The following KCNS3 variants were observed in gnomAD, a reference collection of about 807,000 sequenced individuals.
KCNS3 encodes delayed-rectifier potassium channel regulatory subunit KCNS3.
A neutral mutation model predicts 31.0 loss-of-function variants in KCNS3; 13 were observed. The ratio of observed to expected loss-of-function variants is 0.42; its 90% confidence interval spans 0.27 to 0.67. The LOEUF is 0.67. Among genes scored for constraint, KCNS3 ranks in the 30% least tolerant of loss-of-function variants. The pLI, the probability that KCNS3 is intolerant of heterozygous loss-of-function variation, is 0.25. For synonymous variants in KCNS3, 238 were observed against 241.5 expected, an observed-to-expected ratio of 0.99 and a Z score of 0.13; for missense variants, 545 against 622.4, an observed-to-expected ratio of 0.88 and a Z score of 1.32.
At chr2:17,921,666 A>C (rs1400266849) in intron 2 of KCNS3, among the ~76,000 whole-genome samples, 1 of 151,962 alleles carries the variant, frequency 6.6e-6, no homozygotes, top group Non-Finnish European at 1.5e-5. Context: ...ACCATAGTGA[A>C]GCAGGAGAGC....
At chr2:17,882,881 G>C (rs1304456491) in intron 1 of KCNS3, among the ~76,000 whole-genome samples, 1 of 151,168 alleles carries the variant, frequency 6.6e-6, no homozygotes, top group East Asian at 1.9e-4. Context: ...TTTCACAGTT[G>C]TTAAGAGGAT....
chr2:17,921,913 G>GTATATATATATATA (rs1373281256), intron 2 of KCNS3, among the ~76,000 whole-genome samples: 3 of 34,116 alleles, frequency 8.8e-5, no homozygotes, highest in African/African-American at 2.2e-4. Context: ...GTGTGTGTGT[G>GTATATATATATATA]TGTATATATA....
rs766793920 is a variant in KCNS3, at chr2:17,932,359, T to G, written c.1351T>G (p.Phe451Val). Residue 451 changes from phenylalanine to valine, a missense_variant, in exon 3 of 3, where the codon TTC becomes GTC. Phe to Val is a conservative substitution (Grantham distance 50). Coordinates refer to ENST00000304101, the MANE Select transcript of KCNS3 (RefSeq NM_002252.5). ...RDIYAQRMHT[F>V]ITSLSSVGIV... ...TATATATGCACAGCGGATGCACACC[T>G]TCATTACCAGTCTCTCTTCTGTAGG... The G allele has an allele frequency of 2.5e-6, 4 of 1,613,994 alleles. No homozygotes were observed. Among genetic ancestry groups the G allele is most frequent in the Admixed American group, 1.7e-5 (1 of 59,994 alleles).
At chr2:17,902,242 A>G (rs1342539557) in intron 1 of KCNS3, among the ~76,000 whole-genome samples, 1 of 152,080 alleles carries the variant, frequency 6.6e-6, no homozygotes, top group African/African-American at 2.4e-5. Context: ...AAAATGGGGT[A>G]TTAGGTCAAG....
rs5829612 is a variant in KCNS3 at position 17,893,940 on chromosome 2, GTTTTTTTT to G, written c.-252+15153_-252+15160del. 3.4e-3 allele frequency among the ~76,000 whole-genome samples: 332 copies of G among 98,894 alleles called. 3 individuals are homozygous for G. Among genetic ancestry groups the G allele is most frequent in the African/African-American group, 0.013 (288 of 22,414 alleles). The allele number at this position is 98,894 out of a possible 152,430, so 64.9% of individuals were successfully genotyped here. A position where few individuals can be genotyped will look rare whatever the true frequency, so the allele number is the denominator to read the frequency against. On this transcript the variant is annotated intron_variant, in intron 1 of 2. Coordinates refer to ENST00000304101, the MANE Select transcript of KCNS3 (RefSeq NM_002252.5). ...CCCTCTGCCATGATCCCAGGAGCCA[GTTTTTTTT>G]TTTTTTTTTTTTTTTTTTAATATAT...
intron 2 of KCNS3, among the ~76,000 whole-genome samples, chr2:17,926,881 G>C (rs775369228): frequency 6.6e-6 from 1 of 152,238 alleles, no homozygotes; most frequent in Non-Finnish European, 1.5e-5. Flanking sequence ...TCTGCAGCCA[G>C]CTTGAATTTC....
intron 2 of KCNS3, among the ~76,000 whole-genome samples, chr2:17,927,827 T>C (rs985647492): frequency 6.7e-6 from 1 of 150,322 alleles, no homozygotes; most frequent in Non-Finnish European, 1.5e-5. Flanking sequence ...TTTCAACCAA[T>C]TGCCAATCAG....
chr2:17,932,819 C>T lies in KCNS3; in HGVS notation c.*335C>T, dbSNP rs562289439. ...CTCACATTGAGCTAACTTTAAATTA[C>T]TGACAAGTAGAATCAAAGGTGCAGC... On this transcript the variant is annotated 3_prime_UTR_variant, in exon 3 of 3. Coordinates refer to ENST00000304101, the MANE Select transcript of KCNS3 (RefSeq NM_002252.5). The T allele has an allele frequency of 9.1e-5, 19 of 208,984 alleles. No individual in the cohort carries two copies. In the South Asian group the frequency reaches 2.5e-3, roughly 28 times the overall value. 12.9% of individuals were successfully genotyped at this position (208,984 alleles called of 1,614,324 possible).
chr2:17,927,142 A>T (rs751841350), intron 2 of KCNS3, among the ~76,000 whole-genome samples: 9 of 152,308 alleles, frequency 5.9e-5, no homozygotes, highest in Non-Finnish European at 1.0e-4. Context: ...AGCAGGGGGA[A>T]AATGCCACCA....
intron 1 of KCNS3, among the ~76,000 whole-genome samples, chr2:17,901,865 C>T (rs1353895535): frequency 6.6e-6 from 1 of 152,092 alleles, no homozygotes; most frequent in Non-Finnish European, 1.5e-5. Context: ...GTGATCTGGC[C>T]ACGTGATACC....
rs1193158636 is a variant in KCNS3 at position 17,921,956 on chromosome 2, TATAA to T, written c.-60+4089_-60+4092del. 5.9e-5 allele frequency among the ~76,000 whole-genome samples: 8 copies of T among 136,722 alleles called. No homozygotes were observed. The East Asian group carries it at 1.1e-3, about 18-fold the overall frequency. The allele number at this position is 136,722 out of a possible 152,430, so 89.7% of individuals were successfully genotyped here. Reference sequence around the variant, plus strand: ...ATATATATATATATATATATATATATATAAATACATATACATATATTAAGCATTT... The same window carrying T: ...ATATATATATATATATATATATATATATACATATACATATATTAAGCATTT... On this transcript the variant is annotated intron_variant, in intron 2 of 2. Coordinates refer to ENST00000304101, the MANE Select transcript of KCNS3 (RefSeq NM_002252.5).
chr2:17,879,720 C>CT, intron 1 of KCNS3, among the ~76,000 whole-genome samples: 1 of 152,336 alleles, frequency 6.6e-6, no homozygotes, highest in East Asian at 1.9e-4. Flanking sequence ...GAGAAAGGAG[C>CT]ACCTTTTGCA....
At chr2:17,908,376 G>T (rs1164058286) in intron 1 of KCNS3, among the ~76,000 whole-genome samples, 1 of 152,102 alleles carries the variant, frequency 6.6e-6, no homozygotes, top group Non-Finnish European at 1.5e-5. Context: ...CTTTTTTCAA[G>T]GTTTTTAGCT....
intron 1 of KCNS3, among the ~76,000 whole-genome samples, chr2:17,881,753 C>T (rs535905424): frequency 1.3e-5 from 2 of 152,296 alleles, no homozygotes; most frequent in East Asian, 3.9e-4. Flanking sequence ...GTTCCCTGTG[C>T]TTAGTGGGAT....
At chr2:17,899,168 G>T (rs909741573) in intron 1 of KCNS3, among the ~76,000 whole-genome samples, 2 of 152,018 alleles carry the variant, frequency 1.3e-5, no homozygotes, top group South Asian at 4.1e-4. Flanking sequence ...GGAGGTTTCA[G>T]TGAGCCGAGA....
chr2:17,902,652 A>G (rs1285589443), intron 1 of KCNS3, among the ~76,000 whole-genome samples: 1 of 152,196 alleles, frequency 6.6e-6, no homozygotes, highest in East Asian at 1.9e-4. Context: ...ATATGTAAGC[A>G]GCCATGCCTT....
Position 17,932,075 on chromosome 2 carries a change from GC to G in KCNS3, c.1068del (p.Ser356ArgfsTer13). On this transcript the variant is annotated frameshift_variant, in exon 3 of 3. Transcript: ENST00000304101. LOFTEE classifies it high-confidence loss of function. The stretch of plus-strand genomic sequence containing the variant: ...GATGACCACACATCCAGCCTCACCA[GC>G]ATCCCCATCTGCTGGTGGTGGGCCA... ...EKDDHTSSLTSIPICWWWATI... is the reference protein window; with the variant it reads ...EKDDHTSSLTXIPICWWWATI... The G allele has an allele frequency of 6.2e-7, 1 of 1,614,066 alleles. No individual in the cohort carries two copies. The highest frequency in any genetic ancestry group is 8.5e-7 in the Non-Finnish European group (1 of 1,180,008).
rs1039904591 is a variant in KCNS3, at chr2:17,906,668, T to C, written c.-251-11012T>C. On this transcript the variant is annotated intron_variant, in intron 1 of 2. Coordinates refer to ENST00000304101, the MANE Select transcript of KCNS3 (RefSeq NM_002252.5). ...ATTCTGGTATGTTGTGTCGTTGTTC[T>C]CATTGGTTTCAAAGAACATCTTTAT... 5.3e-5 allele frequency among the ~76,000 whole-genome samples: 8 copies of C among 152,376 alleles called. No homozygotes were observed. The South Asian group carries it at 1.7e-3, about 32-fold the overall frequency.
At chr2:17,908,216 T>G (rs1662382791) in intron 1 of KCNS3, among the ~76,000 whole-genome samples, 1 of 152,222 alleles carries the variant, frequency 6.6e-6, no homozygotes, top group Admixed American at 6.5e-5. Flanking sequence ...CATTTAATCT[T>G]CAATCACTGA....
Sources: allele counts gnomAD v4.1 joint callset (sites outside exome capture counted in the v4.1 genomes callset), GRCh38; gene constraint gnomAD v4.1.1; transcripts MANE v1.5; gene names NCBI Gene and HGNC (gene_info 2026-07-23, HGNC 2026-07-21).